The following ITSN1 variants were observed in gnomAD, a reference collection of about 807,000 sequenced individuals.
ITSN1 encodes the protein intersectin-1.
In ITSN1, 58 loss-of-function variants were observed where a neutral mutation model predicts 239.8. The observed-to-expected ratio is 0.24, with a 90% CI of 0.20 to 0.30. The LOEUF (loss-of-function observed/expected upper bound fraction) is 0.30, where lower values mean the gene tolerates loss of function less well. Among genes scored for constraint, ITSN1 ranks in the 10% least tolerant of loss-of-function variants. The probability of loss-of-function intolerance (pLI) is 1.00; values close to 1 mark genes in which losing one functional copy is unlikely to be tolerated. For missense variants in ITSN1, 1,558 were observed against 2,103.3 expected, an observed-to-expected ratio of 0.74 and a Z score of 5.07; for synonymous variants, 780 against 770.8, an observed-to-expected ratio of 1.01 and a Z score of -0.20.
At chr21:33,849,927 T>C (rs2075106014) in intron 29 of ITSN1, among the ~76,000 whole-genome samples, 4 of 152,082 alleles carry the variant, frequency 2.6e-5, no homozygotes, top group Non-Finnish European at 5.9e-5. Flanking sequence ...CAGGAGCTAC[T>C]CATACTACAG....
Position 33,757,617 on chromosome 21 carries a change from A to T in ITSN1, c.724+2220A>T, listed in dbSNP as rs116550352. On this transcript the variant is annotated intron_variant, in intron 8 of 39. Coordinates refer to ENST00000381318, the MANE Select transcript of ITSN1 (RefSeq NM_003024.3). ...TTATACTAAATTAGAATGTTGATGGAAACAGCTGATTTGTTGAGGTGGATG... is the reference window on the plus strand; with the variant it reads ...TTATACTAAATTAGAATGTTGATGGTAACAGCTGATTTGTTGAGGTGGATG... Among the ~76,000 whole-genome samples, 1,098 of 152,316 alleles carry T rather than the reference A, an allele frequency of 7.2e-3. 14 individuals are homozygous for T. Among genetic ancestry groups the T allele is most frequent in the African/African-American group, 0.025 (1,045 of 41,558 alleles).
chr21:33,782,168 A>G, intron 16 of ITSN1, 35 bp downstream of exon 16: 1 of 1,598,048 alleles, frequency 6.3e-7, no homozygotes, highest in South Asian at 1.1e-5. Context: ...TGTGTGTCCT[A>G]CCTTTAATTT....
In ITSN1 at chr21:33,735,155, C is replaced by G. The variant is rs138677260; in HGVS notation, c.297C>G (p.Pro99=). ...GATATCAGCTACCCTCTGCACTTCC[C>G]CCTGTCATGAAACAGCAACCAGTTG... ...LQGYQLPSAL[P]PVMKQQPVAI... is the part of the protein sequence containing the mutation. Residue 99 remains proline, a synonymous_variant, in exon 5 of 40, where the codon CCC becomes CCG. Transcript: ENST00000381318. The G allele has an allele frequency of 1.0e-3, 1,618 of 1,613,824 alleles. 2 individuals carry two copies. The highest frequency in any genetic ancestry group is 1.2e-3 in the Non-Finnish European group (1,367 of 1,179,872).
chr21:33,674,376 T>C (rs556408977), intron 1 of ITSN1, among the ~76,000 whole-genome samples: 1 of 152,258 alleles, frequency 6.6e-6, no homozygotes, highest in South Asian at 2.1e-4. Context: ...GAAACAGTGG[T>C]TCTCAAATCT....
intron 1 of ITSN1, among the ~76,000 whole-genome samples, chr21:33,707,311 T>G (rs1279918130): frequency 1.3e-5 from 2 of 152,120 alleles, no homozygotes; most frequent in South Asian, 2.1e-4. Context: ...TTTGTGTGTG[T>G]TGGGGGGTCT....
At chr21:33,838,973 G>A (rs2074732115) in intron 29 of ITSN1, among the ~76,000 whole-genome samples, 2 of 152,318 alleles carry the variant, frequency 1.3e-5, no homozygotes, top group African/African-American at 2.4e-5. Context: ...ATAAACCAGC[G>A]TCCACATTGA....
At chr21:33,683,494 A>G (rs2091080487) in intron 1 of ITSN1, among the ~76,000 whole-genome samples, 1 of 152,050 alleles carries the variant, frequency 6.6e-6, no homozygotes, top group Non-Finnish European at 1.5e-5. Flanking sequence ...ATCATTAATC[A>G]TCTTTTCTTC....
chr21:33,817,501 A>G, intron 22 of ITSN1: 1 of 1,304,486 alleles, frequency 7.7e-7, no homozygotes, highest in Non-Finnish European at 1.0e-6. Flanking sequence ...AGTGAATAGT[A>G]GGAACTCCTT....
rs1254693795 is a variant in ITSN1 at position 33,690,788 on chromosome 21, T to C, written c.-32-28009T>C. Among the ~76,000 whole-genome samples the C allele has an allele frequency of 1.9e-4, 4 of 20,952 alleles. No individual in the cohort carries two copies. The East Asian group carries it at 2.9e-3, about 15-fold the overall frequency. 13.7% of individuals were successfully genotyped at this position (20,952 alleles called of 152,430 possible). Reference sequence around the variant, plus strand: ...AAAAAAAAAAGTGTATATATATATATACATATATATATATATATATATATA... The same window carrying C: ...AAAAAAAAAAGTGTATATATATATACACATATATATATATATATATATATA... On this transcript the variant is annotated intron_variant, in intron 1 of 39. Transcript: ENST00000381318.
intron 4 of ITSN1, among the ~76,000 whole-genome samples, chr21:33,729,610 C>T (rs191121007): frequency 1.3e-5 from 2 of 152,214 alleles, no homozygotes; most frequent in Admixed American, 1.3e-4. Context: ...GTGCTTTTCT[C>T]CAACGATGAT....
chr21:33,736,618 A>T (rs1428129086), intron 5 of ITSN1, among the ~76,000 whole-genome samples: 1 of 152,246 alleles, frequency 6.6e-6, no homozygotes, highest in African/African-American at 2.4e-5. Flanking sequence ...AGCTAATTTA[A>T]GTGGAACTTG....
At chr21:33,884,208 CATT>C (rs931839853) in intron 36 of ITSN1, among the ~76,000 whole-genome samples, 13 of 151,798 alleles carry the variant, frequency 8.6e-5, no homozygotes, top group South Asian at 6.2e-4. Context: ...CTGCACCTGG[CATT>C]GTTGTTGTTG....
intron 1 of ITSN1, among the ~76,000 whole-genome samples, chr21:33,687,931 C>T (rs1304460197): frequency 6.6e-6 from 1 of 152,154 alleles, no homozygotes; most frequent in African/African-American, 2.4e-5. Context: ...GTGCTTTGTA[C>T]AGATAGAGGA....
In ITSN1 at chr21:33,767,774, C is replaced by A. The variant is rs1453770414; in HGVS notation, c.988C>A (p.Pro330Thr). ...ISSTSVDQRL[P>T]EEPVLEDEQQ... ...CTCAACATCTGTAGATCAGAGGCTACCAGAGGAACCAGTTTTAGAAGATGA... is the reference window on the plus strand; with the variant it reads ...CTCAACATCTGTAGATCAGAGGCTAACAGAGGAACCAGTTTTAGAAGATGA... Residue 330 changes from proline (P) to threonine (T), a missense_variant, in exon 11 of 40, where the codon CCA (proline) becomes ACA (threonine). Around this residue, in one of 2 missense-constraint regions of ITSN1, gnomAD observed 982 missense variants for 1,209.9 expected, o/e 0.81. Transcript: ENST00000381318. The A allele has an allele frequency of 3.2e-5, 51 of 1,612,554 alleles. No homozygotes were observed. Among genetic ancestry groups the A allele is most frequent in the Non-Finnish European group, 4.2e-5 (50 of 1,179,054 alleles).
At chr21:33,665,472 T>TA (rs1013108914) in intron 1 of ITSN1, among the ~76,000 whole-genome samples, 5 of 152,088 alleles carry the variant, frequency 3.3e-5, no homozygotes, top group South Asian at 2.1e-4. Context: ...CATTTTTTTT[T>TA]AAAAAGGAAA....
At chr21:33,745,255 G>C (rs1178700432) in intron 5 of ITSN1, among the ~76,000 whole-genome samples, 2 of 152,202 alleles carry the variant, frequency 1.3e-5, no homozygotes, top group Non-Finnish European at 2.9e-5. Flanking sequence ...ACCGCACCAT[G>C]AGAATGCAAT....
chr21:33,783,691 CAA>C (rs11349210), intron 16 of ITSN1, among the ~76,000 whole-genome samples: 2,847 of 131,932 alleles, frequency 0.022, 36 homozygotes, highest in Middle Eastern at 0.047. Context: ...CTTTTATAAG[CAA>C]AAAAAAAAAA....
intron 1 of ITSN1, among the ~76,000 whole-genome samples, chr21:33,654,420 T>C (rs2088850862): frequency 6.6e-6 from 1 of 151,884 alleles, no homozygotes; most frequent in African/African-American, 2.4e-5. Flanking sequence ...TTAGCAAGAG[T>C]CTAGAATCAA....
At chr21:33,867,544 T>A (rs1274036821) in intron 33 of ITSN1, among the ~76,000 whole-genome samples, 1 of 151,448 alleles carries the variant, frequency 6.6e-6, no homozygotes, top group Non-Finnish European at 1.5e-5. Context: ...CCCGCGCCTG[T>A]AATCCCAGCA....
Sources: gnomAD v4.1 joint callset for allele counts (sites outside exome capture counted in the v4.1 genomes callset) on GRCh38, gnomAD v4.1.1 for gene constraint, gnomAD v4.1.1 regional missense constraint, MANE v1.5 for transcripts, NCBI Gene and HGNC (gene_info 2026-07-23, HGNC 2026-07-21) for gene names.